Variants in FRMD6 observed in about 807,000 individuals in gnomAD.
FRMD6 encodes FERM domain-containing protein 6.
Under a neutral mutation model 73.2 loss-of-function variants are expected in FRMD6, and 37 were observed. That is an observed-to-expected ratio of 0.51 (90% confidence interval 0.39 to 0.66). The LOEUF is 0.66. Ranked by LOEUF, FRMD6 falls within the 30% of genes least tolerant of loss-of-function variation. FRMD6 has a pLI of 0.00. For synonymous variants in FRMD6, 273 were observed against 282.2 expected (o/e 0.97, Z 0.33); for missense variants, 714 against 780.5 (o/e 0.91, Z 1.02).
At chr14:51,698,691 T>G (rs534260362) in intron 3 of FRMD6, among the ~76,000 whole-genome samples, 128 of 152,178 alleles carry the variant, frequency 8.4e-4, no homozygotes, top group African/African-American at 2.9e-3. Flanking sequence ...ATCTTATTTT[T>G]TATTTTTCTC....
the FRMD6 span, among the ~76,000 whole-genome samples, chr14:51,455,694 C>A: frequency 6.6e-6 from 1 of 151,908 alleles, no homozygotes; most frequent in Non-Finnish European, 1.5e-5. Flanking sequence ...CAGCTTCAAA[C>A]TCAGGGTTAA....
At chr14:51,595,598 A>G (rs563605827) in intron 2 of FRMD6, among the ~76,000 whole-genome samples, 41 of 152,348 alleles carry the variant, frequency 2.7e-4, no homozygotes, top group African/African-American at 9.1e-4. Flanking sequence ...ACAGCATGAA[A>G]TCCAGCCACA....
chr14:51,525,329 C>T (rs1055785741), intron 1 of FRMD6, among the ~76,000 whole-genome samples: 2 of 151,950 alleles, frequency 1.3e-5, no homozygotes, highest in Non-Finnish European at 1.5e-5. Context: ...AGTGCAGTAG[C>T]GAGGTCTCTG....
chr14:51,607,048 C>G (rs1370092493), intron 2 of FRMD6, among the ~76,000 whole-genome samples: 2 of 152,060 alleles, frequency 1.3e-5, no homozygotes, highest in African/African-American at 4.8e-5. Context: ...TTGAATGATG[C>G]CCACCCACAC....
At chr14:51,579,833 T>C (rs1435148811) in intron 2 of FRMD6, among the ~76,000 whole-genome samples, 1 of 152,110 alleles carries the variant, frequency 6.6e-6, no homozygotes, top group African/African-American at 2.4e-5. Flanking sequence ...CTCTGCCCCA[T>C]TTACAATCTG....
At chr14:51,683,928 C>T (rs1244131493) in intron 1 of FRMD6, among the ~76,000 whole-genome samples, 1 of 152,046 alleles carries the variant, frequency 6.6e-6, no homozygotes, top group South Asian at 2.1e-4. Flanking sequence ...ATTTATCCAC[C>T]AGAGCAATGG....
intron 2 of FRMD6, among the ~76,000 whole-genome samples, chr14:51,576,639 C>T (rs1197423938): frequency 1.3e-5 from 2 of 152,172 alleles, no homozygotes; most frequent in Admixed American, 1.3e-4. Context: ...TTCATCTTCT[C>T]TTTGACCCTC....
At chr14:51,531,115 C>T (rs886903989) in intron 1 of FRMD6, among the ~76,000 whole-genome samples, 11 of 152,166 alleles carry the variant, frequency 7.2e-5, no homozygotes, top group African/African-American at 2.7e-4. Context: ...GTAGAGCCTT[C>T]ATGACCTCAC....
rs561376599 is a variant in FRMD6 at position 51,507,052 on chromosome 14, A to T, written c.-210+17632A>T. ...TCTTTACACCGTTCTATATTTTCTG[A>T]ATTTTTGAAATGATTAGAATTGGTT... is the stretch of plus-strand genomic sequence containing the variant. On this transcript the variant is annotated intron_variant, in intron 1 of 14. Transcript: ENST00000356218. 2.0e-5 allele frequency among the ~76,000 whole-genome samples: 3 copies of T among 149,366 alleles called. No individual in the cohort carries two copies. In the Admixed American group the frequency reaches 2.0e-4, roughly 10 times the overall value.
At chr14:51,612,195 C>T (rs1178953834) in intron 2 of FRMD6, among the ~76,000 whole-genome samples, 21 of 152,054 alleles carry the variant, frequency 1.4e-4, no homozygotes, top group Admixed American at 1.4e-3. Flanking sequence ...TGTTTATATC[C>T]ATCCTTATTT....
intron 1 of FRMD6, among the ~76,000 whole-genome samples, chr14:51,495,782 A>G (rs1008611093): frequency 9.9e-5 from 15 of 152,218 alleles, no homozygotes; most frequent in Non-Finnish European, 1.5e-5. Flanking sequence ...TGCATGGGAC[A>G]AATTGAGAAG....
rs113044886 is a variant in FRMD6, at chr14:51,683,895, T to C, written c.-146-5796T>C. Among the ~76,000 whole-genome samples, 1,028 of 152,248 alleles carry C rather than the reference T, an allele frequency of 6.8e-3. 14 individuals are homozygous for C. The highest frequency in any genetic ancestry group is 0.024 in the African/African-American group (982 of 41,536). The stretch of plus-strand genomic sequence containing the variant: ...TGAGGTTAAGCCATATCAAAGGCGA[T>C]CTTAGCCTTTCCACAGTGCCTCATT... On this transcript the variant is annotated intron_variant, in intron 1 of 13. Coordinates refer to ENST00000344768, the MANE Select transcript of FRMD6 (RefSeq NM_001267046.2).
chr14:51,714,673 A>G (rs964743953), intron 9 of FRMD6: 5 of 152,198 alleles, frequency 3.3e-5, no homozygotes, highest in African/African-American at 1.2e-4. Flanking sequence ...AGCTCTCTCT[A>G]TGTTTAGCTA....
At chr14:51,712,627 T>C in intron 9 of FRMD6, 76 bp downstream of exon 9, 1 of 941,832 alleles carries the variant, frequency 1.1e-6, no homozygotes. Flanking sequence ...TATTTTTTGT[T>C]TTGTTTTTAA....
chr14:51,498,775 TG>T (rs1883446329), intron 1 of FRMD6, among the ~76,000 whole-genome samples: 1 of 152,142 alleles, frequency 6.6e-6, no homozygotes, highest in Non-Finnish European at 1.5e-5. Flanking sequence ...CGGCATCGCA[TG>T]GGAGGAAACT....
At chr14:51,402,565 C>T in the FRMD6 span, among the ~76,000 whole-genome samples, 1 of 152,186 alleles carries the variant, frequency 6.6e-6, no homozygotes, top group African/African-American at 2.4e-5. Context: ...GCTTCCCCAG[C>T]CATGTGGAAC....
chr14:51,410,946 T>C, the FRMD6 span, among the ~76,000 whole-genome samples: 1 of 152,352 alleles, frequency 6.6e-6, no homozygotes, highest in East Asian at 1.9e-4. Context: ...GAACATCTGA[T>C]ACTATTAATA....
intron 2 of FRMD6, among the ~76,000 whole-genome samples, chr14:51,574,182 C>A (rs1255700013): frequency 1.3e-5 from 2 of 152,122 alleles, no homozygotes; most frequent in African/African-American, 4.8e-5. Context: ...AACATCAATC[C>A]TCTCTGACCT....
At chr14:51,414,311 A>G in the FRMD6 span, among the ~76,000 whole-genome samples, 1 of 152,220 alleles carries the variant, frequency 6.6e-6, no homozygotes, top group Non-Finnish European at 1.5e-5. Context: ...TCTTTAATCC[A>G]TCTTGAATTA....
Sources: gnomAD v4.1 joint callset for allele counts (sites outside exome capture counted in the v4.1 genomes callset) on GRCh38, gnomAD v4.1.1 for gene constraint, MANE v1.5 for transcripts, NCBI Gene and HGNC (gene_info 2026-07-23, HGNC 2026-07-21) for gene names.